UNC45B: variants seen among roughly 807,000 people sequenced by gnomAD.
UNC45B encodes protein unc-45 homolog B.
UNC45B carries 78 observed loss-of-function variants against 98.7 expected under a neutral mutation model. That is an observed-to-expected ratio of 0.79 (90% confidence interval 0.66 to 0.95). UNC45B has a LOEUF of 0.95. Ranked by LOEUF, UNC45B falls within the 40% of genes least tolerant of loss-of-function variation. The pLI is 0.00. For missense variants in UNC45B, 1,225 were observed against 1,184.9 expected, an observed-to-expected ratio of 1.03 and a Z score of -0.50; for synonymous variants, 462 against 480.4, an observed-to-expected ratio of 0.96 and a Z score of 0.50.
chr17:35,181,301 A>G (rs996807761), intron 18 of UNC45B, among the ~76,000 whole-genome samples: 9 of 152,224 alleles, frequency 5.9e-5, no homozygotes, highest in Admixed American at 2.6e-4. Context: ...CTGTCAGAGT[A>G]CTGCTGTGAC....
rs113660693 is a variant in UNC45B, at chr17:35,173,876, G to A, written c.1831-366G>A. ...CGCCCAGGCTGGAGTGCAGTGGTGC[G>A]ATCTCGGCTCACTGCAAGCTCTGCC... On this transcript the variant is annotated intron_variant, in intron 13 of 19. Transcript: ENST00000394570. Among the ~76,000 whole-genome samples the A allele has an allele frequency of 3.5e-4, 53 of 149,380 alleles. 1 individual carries two copies. Among genetic ancestry groups the A allele is most frequent in the African/African-American group, 1.2e-3 (50 of 40,422 alleles).
At chr17:35,152,794 C>T in intron 4 of UNC45B, 99 bp from the exon 5 acceptor site, 1 of 889,552 alleles carries the variant, frequency 1.1e-6, no homozygotes, top group Non-Finnish European at 1.9e-6. Context: ...TGCGGGAGCC[C>T]AGAGTAGACA....
chr17:35,183,963 T>G (rs968494304), intron 19 of UNC45B, among the ~76,000 whole-genome samples: 2 of 152,218 alleles, frequency 1.3e-5, no homozygotes, highest in African/African-American at 4.8e-5. Context: ...AAGCTGCAGA[T>G]TCTCTTAAGT....
At position 35,186,525 on chromosome 17, in the gene UNC45B, G is replaced by A; in HGVS notation, c.2756G>A (p.Cys919Tyr). The change falls in exon 20 of 20, where the codon TGC (cysteine) becomes TAC (tyrosine). Residue 919 changes from cysteine to tyrosine, a missense_variant. Physicochemically the swap from Cys to Tyr is radical, Grantham distance 194. Transcript: ENST00000394570. Reference protein sequence around the residue: ...VQTARECLIKCMDYGFIKPVS With the variant: ...VQTARECLIKYMDYGFIKPVS ...ACAGCCCGAGAATGTCTCATCAAGTGCATGGATTATGGTTTCATTAAACCA... is the reference window on the plus strand; with the variant it reads ...ACAGCCCGAGAATGTCTCATCAAGTACATGGATTATGGTTTCATTAAACCA... The A allele has an allele frequency of 6.2e-7, 1 of 1,614,218 alleles. No individual in the cohort carries two copies. The highest frequency in any genetic ancestry group is 1.6e-4 in the Middle Eastern group (1 of 6,062).
Position 35,155,339 on chromosome 17 carries a change from G to A in UNC45B, c.683G>A (p.Ser228Asn), listed in dbSNP as rs747342197. 1.9e-6 allele frequency: 3 copies of A among 1,614,214 alleles called. No homozygotes were observed. Among genetic ancestry groups the A allele is most frequent in the Admixed American group, 3.3e-5 (2 of 60,026 alleles). The change falls in exon 7 of 20, where the codon AGC becomes AAC. Residue 228 changes from serine (S) to asparagine (N), a missense_variant. Transcript: ENST00000394570. Reference sequence around the variant, plus strand: ...GCAGTGCGGATAGACCGAATCTGTAGCCTCATGGCCGTGGAGAATGAGGAG... The same window carrying A: ...GCAGTGCGGATAGACCGAATCTGTAACCTCATGGCCGTGGAGAATGAGGAG... ...LHAVRIDRIC[S>N]LMAVENEEMS...
chr17:35,162,817 C>T (rs943915051), intron 8 of UNC45B, among the ~76,000 whole-genome samples: 4 of 152,020 alleles, frequency 2.6e-5, no homozygotes, highest in Non-Finnish European at 4.4e-5. Flanking sequence ...ACTTTTAATT[C>T]CCTCCTAACA....
intron 7 of UNC45B, among the ~76,000 whole-genome samples, chr17:35,158,591 A>T (rs948337273): frequency 6.6e-6 from 1 of 152,170 alleles, no homozygotes; most frequent in Admixed American, 6.5e-5. Context: ...ATTCTTCCAC[A>T]TATTGATTTC....
Position 35,186,709 on chromosome 17 carries a change from G to A in UNC45B, c.*150G>A. ...GAAAGACTTGATTGTTCTCTGAGTTGTGAGTCTTCTCCTTTGTCCTGACAG... is the reference window on the plus strand; with the variant it reads ...GAAAGACTTGATTGTTCTCTGAGTTATGAGTCTTCTCCTTTGTCCTGACAG... On this transcript the variant is annotated 3_prime_UTR_variant, in exon 20 of 20. Coordinates refer to ENST00000394570, the MANE Select transcript of UNC45B (RefSeq NM_001267052.2). 4.6e-6 allele frequency: 4 copies of A among 874,310 alleles called. No homozygotes were observed. Among genetic ancestry groups the A allele is most frequent in the Non-Finnish European group, 6.8e-6 (4 of 589,508 alleles). The allele number at this position is 874,310 out of a possible 1,614,324, so 54.2% of individuals were successfully genotyped here.
In UNC45B at chr17:35,187,967, G is replaced by A. The variant is rs921092053; in HGVS notation, c.*1408G>A. On this transcript the variant is annotated 3_prime_UTR_variant, in exon 20 of 20. Coordinates refer to ENST00000394570, the MANE Select transcript of UNC45B (RefSeq NM_001267052.2). ...AAAACAATTTACAACGTTCCGTTGT[G>A]TAATAAATGTAAGTGTACATATGCC... 1 of 152,224 alleles carries A rather than the reference G, an allele frequency of 6.6e-6. No homozygotes were observed. The highest frequency in any genetic ancestry group is 6.5e-5 in the Admixed American group (1 of 15,282). 9.4% of individuals were successfully genotyped at this position (152,224 alleles called of 1,614,324 possible).
At chr17:35,148,139 C>T in intron 1 of UNC45B, 125 bp from the exon 2 acceptor site, 1 of 1,100,568 alleles carries the variant, frequency 9.1e-7, no homozygotes, top group Admixed American at 2.6e-5. Context: ...GGGTCCCTTC[C>T]AGGCAGAATC....
In UNC45B at chr17:35,152,873, A is replaced by G. The variant is rs372784651; in HGVS notation, c.382-20A>G. 2.0e-4 allele frequency: 321 copies of G among 1,607,912 alleles called. No homozygotes were observed. Among genetic ancestry groups the G allele is most frequent in the Non-Finnish European group, 2.6e-4 (305 of 1,174,678 alleles). ...GTGGACCCCACCTGCCTCCTTCCCC[A>G]CTCCCTCCTCTCTCCTCAGCTCCGA... On this transcript the variant is annotated intron_variant, in intron 4 of 19. Transcript: ENST00000394570.
chr17:35,174,388 A>G lies in UNC45B; in HGVS notation c.1958+19A>G, dbSNP rs762553609. 3.7e-6 allele frequency: 6 copies of G among 1,614,020 alleles called. No individual in the cohort carries two copies. The highest frequency in any genetic ancestry group is 1.1e-5 in the South Asian group (1 of 91,080). ...TGGCCAGGTGGGGCTGCAGTGGGCCAAGGCTTGGAACTAGGGCTGGGGGCC... is the reference window on the plus strand; with the variant it reads ...TGGCCAGGTGGGGCTGCAGTGGGCCGAGGCTTGGAACTAGGGCTGGGGGCC... On this transcript the variant is annotated intron_variant, in intron 14 of 19. Coordinates refer to ENST00000394570, the MANE Select transcript of UNC45B (RefSeq NM_001267052.2).
chr17:35,175,782 A>G (rs1567766438), intron 14 of UNC45B, among the ~76,000 whole-genome samples, 186 bp from the exon 15 acceptor site: 1 of 152,142 alleles, frequency 6.6e-6, no homozygotes, highest in Non-Finnish European at 1.5e-5. Flanking sequence ...TTCCCAGCCA[A>G]TTATTCCCAT....
chr17:35,156,763 A>G (rs1486208296), intron 7 of UNC45B, among the ~76,000 whole-genome samples: 1 of 152,236 alleles, frequency 6.6e-6, no homozygotes, highest in Non-Finnish European at 1.5e-5. Flanking sequence ...TTACCCATTC[A>G]GGTAATCACT....
chr17:35,157,302 C>T (rs561751133), intron 7 of UNC45B, among the ~76,000 whole-genome samples: 19 of 152,132 alleles, frequency 1.2e-4, no homozygotes, highest in South Asian at 4.2e-4. Flanking sequence ...TGCGGTGGCA[C>T]GATCTCAGCT....
intron 4 of UNC45B, chr17:35,151,200 C>A: frequency 3.3e-6 from 1 of 304,190 alleles, no homozygotes; most frequent in East Asian, 1.4e-4. Context: ...GTTTCTTTTC[C>A]TCCGCTGACA....
intron 15 of UNC45B, among the ~76,000 whole-genome samples, chr17:35,176,416 T>A (rs2092234167): frequency 6.6e-6 from 1 of 152,202 alleles, no homozygotes; most frequent in Non-Finnish European, 1.5e-5. Flanking sequence ...ATTTGCAGAC[T>A]GTCACAAGAA....
intron 14 of UNC45B, 28 bp downstream of exon 14, chr17:35,174,397 A>G (rs763752086): frequency 6.2e-7 from 1 of 1,613,666 alleles, no homozygotes; most frequent in Non-Finnish European, 8.5e-7. Context: ...CAAGGCTTGG[A>G]ACTAGGGCTG....
chr17:35,186,177 C>T, intron 19 of UNC45B, 122 bp from the exon 20 acceptor site: 1 of 1,292,402 alleles, frequency 7.7e-7, no homozygotes, highest in Non-Finnish European at 1.1e-6. Flanking sequence ...TCTTAATGAC[C>T]TAATTACCTC....
Sources: gnomAD v4.1 joint callset for allele counts (sites outside exome capture counted in the v4.1 genomes callset) on GRCh38, gnomAD v4.1.1 for gene constraint, MANE v1.5 for transcripts, NCBI Gene and HGNC (gene_info 2026-07-23, HGNC 2026-07-21) for gene names.